PCBP4: variants seen among roughly 807,000 people sequenced by gnomAD.
PCBP4 encodes poly(rC) binding protein 4, also known as poly(rC)-binding protein 4.
In PCBP4, 24 loss-of-function variants were observed where a neutral mutation model predicts 46.2. The ratio of observed to expected loss-of-function variants is 0.52; its 90% CI spans 0.38 to 0.73. The LOEUF (loss-of-function observed/expected upper bound fraction) is 0.73, where lower values mean the gene tolerates loss of function less well. PCBP4 is among the 30% of genes least tolerant of loss of function. The probability of loss-of-function intolerance (pLI) is 0.00; values close to 1 mark genes in which losing one functional copy is unlikely to be tolerated. For missense variants in PCBP4, 407 were observed against 537.0 expected (o/e 0.76, Z 2.39); for synonymous variants, 203 against 224.4 (o/e 0.90, Z 0.85).
At chr3:51,965,717 C>A (rs1700388527) in intron 1 of PCBP4, among the ~76,000 whole-genome samples, 1 of 152,178 alleles carries the variant, frequency 6.6e-6, no homozygotes, top group Admixed American at 6.5e-5. Flanking sequence ...ACATGAGGGC[C>A]AGCCACATGG....
At position 51,958,125 on chromosome 3, in the gene PCBP4, G is replaced by A. The variant is rs149099513; in HGVS notation, c.1148C>T (p.Thr383Ile). 7.7e-4 allele frequency: 1,244 copies of A among 1,608,058 alleles called. 1 individual carries two copies. Among genetic ancestry groups the A allele is most frequent in the Non-Finnish European group, 9.8e-4 (1,158 of 1,177,278 alleles). Reference sequence around the variant, plus strand: ...CCCATTAGCTGCTGCCATCTTGGCAGTGTAGGCCGCCAAGCCCGGCGGCGG... The same window carrying A: ...CCCATTAGCTGCTGCCATCTTGGCAATGTAGGCCGCCAAGCCCGGCGGCGG... ...PGPPPGLAAY[T>I]AKMAAANGSK... The change falls in exon 14 of 14, where the codon ACT becomes ATT. Residue 383 changes from threonine to isoleucine, a missense_variant. Transcript: ENST00000461554. This position sits in a 1 kb window ranked among gnomAD's most constrained non-coding sequence, Gnocchi z 5.4.
At chr3:51,964,844 G>C (rs1215268959) in intron 1 of PCBP4, among the ~76,000 whole-genome samples, 1 of 152,224 alleles carries the variant, frequency 6.6e-6, no homozygotes, top group Non-Finnish European at 1.5e-5. Context: ...GTTGGGAGAG[G>C]AGGAGGGGAG....
rs939490911 is a variant in PCBP4, at chr3:51,959,564, T to C, written c.591+13A>G. The C allele has an allele frequency of 6.4e-6, 10 of 1,550,618 alleles. No individual in the cohort carries two copies. Among genetic ancestry groups the C allele is most frequent in the Admixed American group, 2.0e-5 (1 of 51,002 alleles). On this transcript the variant is annotated intron_variant, in intron 9 of 13. Coordinates refer to ENST00000461554, the MANE Select transcript of PCBP4 (RefSeq NM_001174100.2). This position sits in a 1 kb window ranked among gnomAD's most constrained non-coding sequence, Gnocchi z 5.6. ...CCAGTAATGTGTCCCACTGCTCCTG[T>C]TGTTCCCCTCACCTGGTTGGCAGAG...
At chr3:51,966,892 A>G (rs1436738684) in intron 1 of PCBP4, among the ~76,000 whole-genome samples, 1 of 149,228 alleles carries the variant, frequency 6.7e-6, no homozygotes, top group African/African-American at 2.5e-5. Context: ...CTGAGCCCCC[A>G]GCTGTCATCT....
chr3:51,957,991 G>T lies in PCBP4; in HGVS notation c.*70C>A. 7.0e-7 allele frequency: 1 copy of T among 1,422,968 alleles called. No homozygotes were observed. The allele number at this position is 1,422,968 out of a possible 1,614,324, so 88.1% of individuals were successfully genotyped here. ...TGGGACCCCAGGGTGGAGTCTCCTT[G>T]GGCGGGTAGGGTGCAGAGGCAGCCC... On this transcript the variant is annotated 3_prime_UTR_variant, in exon 14 of 14. Coordinates refer to ENST00000461554, the MANE Select transcript of PCBP4 (RefSeq NM_001174100.2).
intron 1 of PCBP4, among the ~76,000 whole-genome samples, chr3:51,964,685 G>A (rs913669078): frequency 6.6e-6 from 1 of 152,312 alleles, no homozygotes; most frequent in East Asian, 1.9e-4. Flanking sequence ...CGTCTGCATC[G>A]AGGGCTCCTA....
rs748686773 is a variant in PCBP4, at chr3:51,958,853, C to G, written c.860G>C (p.Arg287Pro). The G allele has an allele frequency of 1.2e-6, 2 of 1,613,942 alleles. No homozygotes were observed. The highest frequency in any genetic ancestry group is 1.7e-6 in the Non-Finnish European group (2 of 1,179,940). ...CGGAGAGCCAGTGATGGTGACATGCCGCTCCCCAGCGCCCTCTGCTTGGTT... is the reference window on the plus strand; with the variant it reads ...CGGAGAGCCAGTGATGGTGACATGCGGCTCCCCAGCGCCCTCTGCTTGGTT... ...IGNQAEGAGERHVTITGSPVS... is the reference protein window; with the variant it reads ...IGNQAEGAGEPHVTITGSPVS... Residue 287 changes from arginine to proline, a missense_variant, in exon 13 of 14, where the codon CGG becomes CCG. Transcript: ENST00000461554. This position sits in a 1 kb window ranked among gnomAD's most constrained non-coding sequence, Gnocchi z 5.4.
Position 51,960,502 on chromosome 3 carries a change from G to C in PCBP4, c.255+24C>G, listed in dbSNP as rs370297005. The C allele has an allele frequency of 6.3e-7, 1 of 1,591,064 alleles. No homozygotes were observed. The highest frequency in any genetic ancestry group is 8.6e-7 in the Non-Finnish European group (1 of 1,159,182). ...TTCCTCCTGGGGAACCACTCTTGGC[G>C]TCCTGCCCTGGCCAGCCACGGACCT... On this transcript the variant is annotated intron_variant, in intron 6 of 13. Transcript: ENST00000461554. The surrounding 1 kb of genome is among the most constrained non-coding windows in gnomAD (Gnocchi z 5.0).
intron 1 of PCBP4, among the ~76,000 whole-genome samples, chr3:51,963,990 G>A (rs745340235): frequency 2.0e-5 from 3 of 152,164 alleles, no homozygotes; most frequent in Non-Finnish European, 4.4e-5. Context: ...GGCCACCCAC[G>A]TGGCAGCCAC....
chr3:51,961,106 T>G (rs980943673), intron 3 of PCBP4, 54 bp downstream of exon 3: 11 of 1,613,810 alleles, frequency 6.8e-6, no homozygotes, highest in Non-Finnish European at 8.5e-6. Flanking sequence ...GGATACCCAG[T>G]GAAACCCAGC....
chr3:51,957,858 G>A lies in PCBP4; in HGVS notation c.*203C>T, dbSNP rs899031143. The A allele has an allele frequency of 9.1e-5, 42 of 463,704 alleles. No homozygotes were observed. Among genetic ancestry groups the A allele is most frequent in the African/African-American group, 5.2e-4 (26 of 49,922 alleles). The allele number at this position is 463,704 out of a possible 1,614,324, so 28.7% of individuals were successfully genotyped here. A position where few individuals can be genotyped will look rare whatever the true frequency, so the allele number is the denominator to read the frequency against. On this transcript the variant is annotated 3_prime_UTR_variant, in exon 14 of 14. Transcript: ENST00000461554. ...TAGGGCCCCCTGCCCTGGGGCTGCC[G>A]CAGCTCAGACCCCTGGGCCAGAAAC...
Position 51,960,562 on chromosome 3 carries a change from G to C in PCBP4, c.219C>G (p.Phe73Leu), listed in dbSNP as rs1213556066. The C allele has an allele frequency of 6.2e-7, 1 of 1,613,992 alleles. No homozygotes were observed. The highest frequency in any genetic ancestry group is 1.3e-5 in the African/African-American group (1 of 74,954). ...TGAAAGCAATCATGGAGACTGCATG[G>C]AAGACAGCTGCTGTAGACCCGGTGA... ...TTITGSTAAV[F>L]HAVSMIAFKL... is the part of the protein sequence containing the mutation. The change falls in exon 6 of 14, where the codon TTC (phenylalanine) becomes TTG (leucine). Residue 73 changes from phenylalanine to leucine, a missense_variant. Physicochemically the swap from Phe to Leu is conservative, Grantham distance 22. Coordinates refer to ENST00000461554, the MANE Select transcript of PCBP4 (RefSeq NM_001174100.2). This position sits in a 1 kb window ranked among gnomAD's most constrained non-coding sequence, Gnocchi z 5.0.
In PCBP4 at chr3:51,960,928, C is replaced by G; in HGVS notation, c.106-30G>C. 6.2e-7 allele frequency: 1 copy of G among 1,614,138 alleles called. No individual in the cohort carries two copies. The highest frequency in any genetic ancestry group is 8.5e-7 in the Non-Finnish European group (1 of 1,179,998). On this transcript the variant is annotated intron_variant, in intron 4 of 13. Coordinates refer to ENST00000461554, the MANE Select transcript of PCBP4 (RefSeq NM_001174100.2). The surrounding 1 kb of genome is among the most constrained non-coding windows in gnomAD (Gnocchi z 5.0). Reference sequence around the variant, plus strand: ...GGGAGGTACAAAACAGATAATCACTCTTAACTTAGAGGTCACAGCCTCCTT... The same window carrying G: ...GGGAGGTACAAAACAGATAATCACTGTTAACTTAGAGGTCACAGCCTCCTT...
chr3:51,964,533 C>T (rs943217734), intron 1 of PCBP4, among the ~76,000 whole-genome samples: 2 of 151,612 alleles, frequency 1.3e-5, no homozygotes, highest in Non-Finnish European at 2.9e-5. Context: ...CCTCTCAGCA[C>T]CCCCAGCTCC....
At chr3:51,966,223 G>A (rs1254554217) in intron 1 of PCBP4, among the ~76,000 whole-genome samples, 4 of 152,276 alleles carry the variant, frequency 2.6e-5, no homozygotes, top group South Asian at 2.1e-4. Flanking sequence ...CAGCCTCCTC[G>A]TGGCCTGGGC....
At chr3:51,963,569 T>A (rs1171422433) in intron 1 of PCBP4, among the ~76,000 whole-genome samples, 1 of 152,210 alleles carries the variant, frequency 6.6e-6, no homozygotes, top group Non-Finnish European at 1.5e-5. Context: ...CATCTCCACA[T>A]GACCTCTTGT....
intron 1 of PCBP4, among the ~76,000 whole-genome samples, chr3:51,965,015 C>A (rs939010988): frequency 1.4e-5 from 2 of 147,976 alleles, no homozygotes; most frequent in Admixed American, 1.3e-4. Flanking sequence ...CATTAGGCAG[C>A]CCCCAGGAGT....
intron 1 of PCBP4, among the ~76,000 whole-genome samples, chr3:51,965,202 G>A (rs563537892): frequency 2.0e-5 from 3 of 152,158 alleles, no homozygotes; most frequent in Admixed American, 1.3e-4. Flanking sequence ...GCCACCCATG[G>A]CTGCCCAGTC....
rs370488050 is a variant in PCBP4, at chr3:51,959,144, G to A, written c.701-45C>T. The stretch of plus-strand genomic sequence containing the variant: ...CTGAGTGTGGTTCTGGGCCTTTCCC[G>A]CCCCACCATTTCCACTCTCCCTGGA... On this transcript the variant is annotated intron_variant, in intron 11 of 13. Transcript: ENST00000461554. The surrounding 1 kb of genome is among the most constrained non-coding windows in gnomAD (Gnocchi z 5.6). 25 of 1,612,370 alleles carry A rather than the reference G, an allele frequency of 1.6e-5. No homozygotes were observed. The highest frequency in any genetic ancestry group is 1.1e-4 in the African/African-American group (8 of 74,532).
Sources: gnomAD v4.1 joint callset for allele counts (sites outside exome capture counted in the v4.1 genomes callset) on GRCh38, gnomAD v4.1.1 for gene constraint, Gnocchi (gnomAD v3.1) non-coding constraint, MANE v1.5 for transcripts, NCBI Gene and HGNC (gene_info 2026-07-23, HGNC 2026-07-21) for gene names.